The following NBEA variants were observed in gnomAD, a reference collection of about 807,000 sequenced individuals.
The protein encoded by NBEA is lysosomal-trafficking regulator 2.
A neutral mutation model predicts 343.4 loss-of-function variants in NBEA; 44 were observed. The observed-to-expected ratio is 0.13, with a 90% CI of 0.10 to 0.16. The LOEUF is 0.16. NBEA is among the 10% of genes least tolerant of loss of function. The pLI is 1.00. For synonymous variants in NBEA, 1,175 were observed against 1,238.7 expected, an observed-to-expected ratio of 0.95 and a Z score of 1.08; for missense variants, 2,555 against 3,631.3, an observed-to-expected ratio of 0.70 and a Z score of 7.62.
intron 49 of NBEA, among the ~76,000 whole-genome samples, chr13:35,628,497 A>G (rs1342996269): frequency 1.3e-5 from 2 of 152,332 alleles, no homozygotes; most frequent in Admixed American, 6.5e-5. Context: ...TCTTACTTCA[A>G]AATTTACATT....
At chr13:35,179,705 A>G in intron 28 of NBEA, 1 of 883,044 alleles carries the variant, frequency 1.1e-6, no homozygotes, top group African/African-American at 1.8e-5. Context: ...ATGCCTTCTG[A>G]TTGCCTGGTA....
chr13:35,060,356 C>G (rs532965118), intron 8 of NBEA, among the ~76,000 whole-genome samples: 2 of 151,912 alleles, frequency 1.3e-5, no homozygotes, highest in South Asian at 2.1e-4. Context: ...TTTGCAAACT[C>G]TGTAATTTGT....
At chr13:35,562,922 T>A (rs1043648491) in intron 44 of NBEA, among the ~76,000 whole-genome samples, 1 of 152,048 alleles carries the variant, frequency 6.6e-6, no homozygotes, top group Non-Finnish European at 1.5e-5. Flanking sequence ...AAAACCAAAG[T>A]GCCATATAAA....
At chr13:35,425,396 T>C (rs1426504605) in intron 38 of NBEA, among the ~76,000 whole-genome samples, 7 of 152,148 alleles carry the variant, frequency 4.6e-5, no homozygotes, top group Admixed American at 2.0e-4. Flanking sequence ...GCCTTCATTT[T>C]GTTATGTACC....
intron 41 of NBEA, among the ~76,000 whole-genome samples, chr13:35,542,159 C>T (rs1298906785): frequency 6.6e-6 from 1 of 151,766 alleles, no homozygotes; most frequent in South Asian, 2.1e-4. Flanking sequence ...GACACCCCCC[C>T]CCCACCGCAT....
intron 1 of NBEA, among the ~76,000 whole-genome samples, chr13:34,977,315 T>A (rs2060212977): frequency 6.8e-6 from 1 of 146,178 alleles, no homozygotes; most frequent in Admixed American, 6.8e-5. Flanking sequence ...ATAATTATCT[T>A]TTTTTTTTTT....
chr13:35,593,066 C>T (rs1054686123), intron 46 of NBEA: 10 of 337,348 alleles, frequency 3.0e-5, no homozygotes, highest in Admixed American at 1.8e-4. Context: ...ATCAGAAAAT[C>T]GTAGAGCACT....
At position 35,208,726 on chromosome 13, in the gene NBEA, C is replaced by T. The variant is rs374035040; in HGVS notation, c.5393C>T (p.Pro1798Leu). The change falls in exon 32 of 59, where the codon CCA becomes CTA. Residue 1798 changes from proline to leucine, a missense_variant. By Grantham distance (98) the Pro-to-Leu change is moderately conservative (BLOSUM62 -3). This residue lies in a region of NBEA where 270 missense variants were observed against 293.3 expected (regional missense o/e 0.92). Coordinates refer to ENST00000379939, the MANE Select transcript of NBEA (RefSeq NM_001385012.1). ...AGTGTTGTGGTGCCTGTAAAGAAAC[C>T]ACCTCCAGGTAGTTTAGCTGTAACC... ...DRSVVVPVKK[P>L]PPGSLAVTTV... 1.7e-5 allele frequency: 27 copies of T among 1,601,032 alleles called. No individual in the cohort carries two copies. The highest frequency in any genetic ancestry group is 3.3e-4 in the Middle Eastern group (2 of 6,002).
intron 1 of NBEA, among the ~76,000 whole-genome samples, chr13:34,976,384 G>A (rs557371978): frequency 6.6e-6 from 1 of 152,182 alleles, no homozygotes; most frequent in African/African-American, 2.4e-5. Context: ...AGGACACAAA[G>A]GCCTAAGAAT....
At chr13:35,144,227 G>A (rs2068273315) in intron 18 of NBEA, among the ~76,000 whole-genome samples, 1 of 152,122 alleles carries the variant, frequency 6.6e-6, no homozygotes, top group Non-Finnish European at 1.5e-5. Flanking sequence ...GGGTTTTTGG[G>A]GCTGCTACCT....
chr13:35,342,956 C>G (rs1417835209), intron 36 of NBEA, among the ~76,000 whole-genome samples: 3 of 151,730 alleles, frequency 2.0e-5, no homozygotes, highest in African/African-American at 7.3e-5. Flanking sequence ...ACTATGATTT[C>G]CAATTAAAAA....
chr13:35,116,134 C>T (rs1311872054), intron 13 of NBEA, among the ~76,000 whole-genome samples: 3 of 152,016 alleles, frequency 2.0e-5, no homozygotes, highest in Admixed American at 2.0e-4. Context: ...TTTATGAGCA[C>T]CTTGTTAAAT....
chr13:35,415,709 C>T (rs767023891), intron 38 of NBEA, among the ~76,000 whole-genome samples: 4,514 of 151,994 alleles, frequency 0.03, 105 homozygotes, highest in Non-Finnish European at 0.045. Context: ...ATTGACTTGG[C>T]GATGTGGGCT....
intron 44 of NBEA, among the ~76,000 whole-genome samples, chr13:35,559,219 T>A (rs575345894): frequency 6.6e-6 from 1 of 152,296 alleles, no homozygotes; most frequent in Admixed American, 6.5e-5. Flanking sequence ...GTTTTCCTGA[T>A]TGGTGGACAG....
At chr13:35,084,167 C>T (rs1446756087) in intron 10 of NBEA, among the ~76,000 whole-genome samples, 2 of 151,988 alleles carry the variant, frequency 1.3e-5, no homozygotes, top group African/African-American at 2.4e-5. Context: ...GACAGATCAA[C>T]GAGACAGAAA....
intron 38 of NBEA, among the ~76,000 whole-genome samples, chr13:35,391,274 C>CAAA (rs76463042): frequency 3.1e-5 from 3 of 97,196 alleles, no homozygotes; most frequent in East Asian, 3.2e-4. Context: ...GACTTGATCT[C>CAAA]AAAAAAAAAA....
chr13:35,668,301 G>T, intron 57 of NBEA, 67 bp from the exon 58 acceptor site: 1 of 1,497,604 alleles, frequency 6.7e-7, no homozygotes, highest in Non-Finnish European at 9.0e-7. Context: ...AAAATTGAGA[G>T]AAATGGTTGT....
At chr13:35,304,231 A>G (rs1156432739) in intron 35 of NBEA, among the ~76,000 whole-genome samples, 3 of 152,190 alleles carry the variant, frequency 2.0e-5, no homozygotes, top group Non-Finnish European at 4.4e-5. Context: ...AGAGCAACTC[A>G]GGCCTTCTGA....
At chr13:35,480,832 T>A (rs2076095172) in intron 41 of NBEA, among the ~76,000 whole-genome samples, 1 of 152,006 alleles carries the variant, frequency 6.6e-6, no homozygotes, top group Non-Finnish European at 1.5e-5. Flanking sequence ...GTTTTTCTGG[T>A]AACCTAATTT....
Sources: gnomAD v4.1 joint callset for allele counts (sites outside exome capture counted in the v4.1 genomes callset) on GRCh38, gnomAD v4.1.1 for gene constraint, gnomAD v4.1.1 regional missense constraint, MANE v1.5 for transcripts, NCBI Gene and HGNC (gene_info 2026-07-23, HGNC 2026-07-21) for gene names.